CDH4: variants seen among roughly 807,000 people sequenced by gnomAD.
CDH4 encodes cadherin-4.
A neutral mutation model predicts 86.0 loss-of-function variants in CDH4; 33 were observed. The ratio of observed to expected loss-of-function variants is 0.38; its 90% CI spans 0.29 to 0.51. CDH4 has a LOEUF of 0.51. Ranked by LOEUF, CDH4 falls within the 20% of genes least tolerant of loss-of-function variation. The pLI, the probability that CDH4 is intolerant of heterozygous loss-of-function variation, is 0.86. For synonymous variants in CDH4, 555 were observed against 549.4 expected (o/e 1.01, Z -0.14); for missense variants, 1,114 against 1,307.4 (o/e 0.85, Z 2.28).
chr20:61,734,153 G>A (rs528715152), intron 2 of CDH4, among the ~76,000 whole-genome samples: 76 of 152,340 alleles, frequency 5.0e-4, no homozygotes, highest in African/African-American at 1.6e-3. Context: ...CTTTGGATCC[G>A]CATCACTGCA....
chr20:61,683,756 T>C (rs976368430), intron 2 of CDH4, among the ~76,000 whole-genome samples: 43 of 152,268 alleles, frequency 2.8e-4, no homozygotes, highest in African/African-American at 9.4e-4. Context: ...TACCACTCAC[T>C]GTCCTCTTCC....
chr20:61,393,332 G>T lies in CDH4; in HGVS notation c.169+138395G>T, dbSNP rs1197717418. ...GCATCCGGTCTTCCAGTGGTGTGGG[G>T]GACAGCAGCCGGGGGGGGCCGGGGT... On this transcript the variant is annotated intron_variant, in intron 2 of 15. Coordinates refer to ENST00000614565, the MANE Select transcript of CDH4 (RefSeq NM_001794.5). This position sits in a 1 kb window ranked among gnomAD's most constrained non-coding sequence, Gnocchi z 4.3. Among the ~76,000 whole-genome samples the T allele has an allele frequency of 6.6e-6, 1 of 151,278 alleles. No individual in the cohort carries two copies. The highest frequency in any genetic ancestry group is 1.5e-5 in the Non-Finnish European group (1 of 67,862).
intron 2 of CDH4, among the ~76,000 whole-genome samples, chr20:61,450,656 G>A (rs1044250029): frequency 2.0e-5 from 3 of 151,864 alleles, no homozygotes; most frequent in Non-Finnish European, 4.4e-5. Context: ...GTCCCAAACC[G>A]AGAAGGTGTC....
intron 2 of CDH4, among the ~76,000 whole-genome samples, chr20:61,693,695 T>G (rs1265311205): frequency 6.6e-6 from 1 of 152,178 alleles, no homozygotes; most frequent in Non-Finnish European, 1.5e-5. Flanking sequence ...AGGCCTGGTC[T>G]CATCCACCTG....
intron 8 of CDH4, among the ~76,000 whole-genome samples, chr20:61,905,490 A>G (rs557361907): frequency 6.6e-6 from 1 of 152,306 alleles, no homozygotes; most frequent in East Asian, 1.9e-4. Context: ...GACGCTACAG[A>G]GGATGTGAGG....
chr20:61,323,599 C>T (rs150063616), intron 2 of CDH4, among the ~76,000 whole-genome samples: 3,548 of 152,294 alleles, frequency 0.023, 57 homozygotes, highest in Non-Finnish European at 0.035. Flanking sequence ...CCCACCCCTG[C>T]TCCCTGACGG....
At chr20:61,760,174 A>AG (rs2088616364) in intron 3 of CDH4, among the ~76,000 whole-genome samples, 2 of 112,462 alleles carry the variant, frequency 1.8e-5, no homozygotes, top group African/African-American at 3.4e-5. Flanking sequence ...GGGTAGGGGG[A>AG]GGGGGTGGGT....
In CDH4 at chr20:61,565,098, GTGCTCTTGGTGGTGC is replaced by G. The variant is rs1568688052; in HGVS notation, c.170-178462_170-178448del. Among the ~76,000 whole-genome samples the G allele has an allele frequency of 2.6e-3, 317 of 122,712 alleles. 5 individuals carry two copies. Among genetic ancestry groups the G allele is most frequent in the African/African-American group, 8.7e-3 (295 of 33,932 alleles). 80.5% of individuals were successfully genotyped at this position (122,712 alleles called of 152,430 possible). A position where few individuals can be genotyped will look rare whatever the true frequency, so the allele number is the denominator to read the frequency against. On this transcript the variant is annotated intron_variant, in intron 2 of 15. Transcript: ENST00000614565. ...GGTGGTGGTGGTGGTGCTCTTGGTG[GTGCTCTTGGTGGTGC>G]TGGTGCTCTTGGTGGTGCTGGTCCT...
intron 2 of CDH4, among the ~76,000 whole-genome samples, chr20:61,359,808 C>T (rs530176392): frequency 7.2e-5 from 11 of 152,236 alleles, no homozygotes; most frequent in African/African-American, 2.6e-4. Context: ...GAGGCTTCAC[C>T]CCAGCGAGAT....
chr20:61,556,485 T>C (rs538500326), intron 2 of CDH4, among the ~76,000 whole-genome samples: 1 of 152,260 alleles, frequency 6.6e-6, no homozygotes, highest in South Asian at 2.1e-4. Flanking sequence ...AGAAGGATCT[T>C]TTAAGAGAAA....
intron 2 of CDH4, among the ~76,000 whole-genome samples, chr20:61,294,325 G>A (rs539112552): frequency 4.6e-5 from 7 of 152,280 alleles, no homozygotes; most frequent in East Asian, 1.9e-4. Flanking sequence ...CTGGGGCAAC[G>A]GGGGTGAAGT....
chr20:61,508,598 T>A (rs2085758387), intron 2 of CDH4, among the ~76,000 whole-genome samples: 1 of 152,116 alleles, frequency 6.6e-6, no homozygotes, highest in Non-Finnish European at 1.5e-5. Context: ...GACAGGGGCA[T>A]GTGTTCAGGA....
chr20:61,780,779 G>C (rs1978498419), intron 4 of CDH4, among the ~76,000 whole-genome samples: 1 of 152,186 alleles, frequency 6.6e-6, no homozygotes, highest in South Asian at 2.1e-4. Flanking sequence ...AATGGCACTG[G>C]GTGAGACGTG....
intron 2 of CDH4, chr20:61,434,976 T>G (rs2085272637): frequency 6.6e-6 from 1 of 152,230 alleles, no homozygotes; most frequent in African/African-American, 2.4e-5. Flanking sequence ...TCCATCATGA[T>G]GTAAAGTAGA....
At chr20:61,764,190 C>T (rs1229103279) in intron 3 of CDH4, among the ~76,000 whole-genome samples, 1 of 152,204 alleles carries the variant, frequency 6.6e-6, no homozygotes, top group Non-Finnish European at 1.5e-5. Context: ...AGGGCAGAAT[C>T]CGGCCCTGGG....
intron 2 of CDH4, among the ~76,000 whole-genome samples, chr20:61,610,866 G>T (rs1279897701): frequency 1.3e-5 from 2 of 152,182 alleles, no homozygotes; most frequent in African/African-American, 4.8e-5. Context: ...GTCCAGGCTG[G>T]CCACAAGGCT....
At chr20:61,870,606 G>A (rs923278867) in intron 6 of CDH4, among the ~76,000 whole-genome samples, 1 of 152,172 alleles carries the variant, frequency 6.6e-6, no homozygotes, top group African/African-American at 2.4e-5. Flanking sequence ...ATCCTCACAG[G>A]TTTCACAGAC....
intron 2 of CDH4, among the ~76,000 whole-genome samples, chr20:61,714,063 T>G (rs1313359797): frequency 4.1e-4 from 52 of 127,346 alleles, no homozygotes; most frequent in South Asian, 1.9e-3. Context: ...TTTATTTTAT[T>G]TGAGATGGAG....
intron 2 of CDH4, among the ~76,000 whole-genome samples, chr20:61,280,501 T>C (rs929036255): frequency 1.3e-5 from 2 of 152,178 alleles, no homozygotes; most frequent in Non-Finnish European, 2.9e-5. Flanking sequence ...TGGGGGCCGA[T>C]GTCCCCACTC....
Sources: allele counts gnomAD v4.1 joint callset (sites outside exome capture counted in the v4.1 genomes callset), GRCh38; gene constraint gnomAD v4.1.1; non-coding constraint Gnocchi (gnomAD v3.1); transcripts MANE v1.5; gene names NCBI Gene and HGNC (gene_info 2026-07-23, HGNC 2026-07-21).